The following VAV2 variants were observed in gnomAD, a reference collection of about 807,000 sequenced individuals.
VAV2 encodes vav guanine nucleotide exchange factor 2.
A neutral mutation model predicts 132.5 loss-of-function variants in VAV2; 67 were observed. That is an observed-to-expected ratio of 0.51 (90% CI 0.42 to 0.62). The LOEUF (loss-of-function observed/expected upper bound fraction) is 0.62, where lower values mean the gene tolerates loss of function less well. Among genes scored for constraint, VAV2 ranks in the 20% least tolerant of loss-of-function variants. The pLI is 0.00. For synonymous variants in VAV2, 492 were observed against 443.5 expected (o/e 1.11, Z -1.37); for missense variants, 938 against 1,153.6 (o/e 0.81, Z 2.71).
intron 12 of VAV2, among the ~76,000 whole-genome samples, chr9:133,792,310 G>A (rs543900020): frequency 8.9e-6 from 1 of 111,824 alleles, no homozygotes; most frequent in East Asian, 2.5e-4. Flanking sequence ...GGTGGGGTAT[G>A]TGTGTGTGAT....
chr9:133,900,763 C>CTTA, intron 2 of VAV2, among the ~76,000 whole-genome samples: 1 of 136,716 alleles, frequency 7.3e-6, no homozygotes, highest in South Asian at 2.4e-4. Flanking sequence ...TACCTCCTGT[C>CTTA]TTGATTTATT....
At chr9:133,785,665 G>T in intron 17 of VAV2, 111 bp downstream of exon 17, 2 of 951,064 alleles carry the variant, frequency 2.1e-6, no homozygotes, top group Non-Finnish European at 1.6e-6. Context: ...TTCCAACTTT[G>T]CCTCCCACCG....
At chr9:133,859,860 C>T (rs1032696551) in intron 3 of VAV2, among the ~76,000 whole-genome samples, 6 of 152,184 alleles carry the variant, frequency 3.9e-5, no homozygotes, top group Admixed American at 1.3e-4. Flanking sequence ...AGCCTATGCA[C>T]CTGGCGGAGG....
At chr9:133,905,125 AC>A (rs1241435142) in intron 2 of VAV2, among the ~76,000 whole-genome samples, 5 of 152,154 alleles carry the variant, frequency 3.3e-5, no homozygotes, top group African/African-American at 1.2e-4. Context: ...ACTTCACAGC[AC>A]CACAGCCAGA....
chr9:133,812,238 A>G (rs370778108), intron 4 of VAV2, 22 bp from the exon 5 acceptor site: 130 of 1,611,250 alleles, frequency 8.1e-5, no homozygotes, highest in Non-Finnish European at 1.1e-4. Context: ...GAGGCGGGTT[A>G]GAGGGGAGGG....
intron 1 of VAV2, among the ~76,000 whole-genome samples, chr9:133,966,385 G>A (rs557884591): frequency 5.3e-5 from 8 of 152,280 alleles, no homozygotes; most frequent in African/African-American, 1.2e-4. Flanking sequence ...CTATTCATCC[G>A]ACAAGGGATT....
rs1839936667 is a variant in VAV2, at chr9:133,913,009, G to A, written c.321+26094C>T. On this transcript the variant is annotated intron_variant, in intron 2 of 29. Transcript: ENST00000371850. ...GCAGGCACTGTCCTCTGAAGGCCCAGCCTGACCCTGCACACCCAGGGCTGT... is the reference window on the plus strand; with the variant it reads ...GCAGGCACTGTCCTCTGAAGGCCCAACCTGACCCTGCACACCCAGGGCTGT... 4.6e-5 allele frequency among the ~76,000 whole-genome samples: 7 copies of A among 152,310 alleles called. No homozygotes were observed. The South Asian group carries it at 1.5e-3, about 32-fold the overall frequency.
intron 1 of VAV2, among the ~76,000 whole-genome samples, chr9:133,973,443 C>T (rs554271481): frequency 1.6e-4 from 25 of 152,322 alleles, no homozygotes; most frequent in Middle Eastern, 3.4e-3. Context: ...CCTGTCACCC[C>T]GGCATCCCTA....
rs1183454741 is a variant in VAV2, at chr9:133,788,580, C to T, written c.1275-94G>A. On this transcript the variant is annotated intron_variant, in intron 14 of 29. Transcript: ENST00000371850. This position sits in a 1 kb window ranked among gnomAD's most constrained non-coding sequence, Gnocchi z 5.3. The stretch of plus-strand genomic sequence containing the variant: ...GAGCTGAGCCTGAGGCTCTGGCACG[C>T]GGCTCCCTCTCCGGGCGAGCCCTGC... The T allele has an allele frequency of 2.6e-5, 39 of 1,524,886 alleles. No individual in the cohort carries two copies. Among genetic ancestry groups the T allele is most frequent in the Middle Eastern group, 4.8e-4 (2 of 4,184 alleles). 94.5% of individuals were successfully genotyped at this position (1,524,886 alleles called of 1,614,324 possible).
chr9:133,779,824 C>A, intron 21 of VAV2, 94 bp downstream of exon 21: 1 of 1,516,010 alleles, frequency 6.6e-7, no homozygotes, highest in Non-Finnish European at 8.9e-7. Context: ...GGTGGCTGGG[C>A]AGACCTGGCC....
intron 6 of VAV2, 76 bp from the exon 7 acceptor site, chr9:133,809,214 C>T: frequency 7.8e-7 from 1 of 1,274,064 alleles, no homozygotes; most frequent in Admixed American, 1.8e-5. Context: ...CACCGCGACA[C>T]CCGGACACCT....
chr9:133,831,658 G>T (rs1836270181), intron 4 of VAV2, among the ~76,000 whole-genome samples: 1 of 152,172 alleles, frequency 6.6e-6, no homozygotes, highest in South Asian at 2.1e-4. Context: ...GGCCGATGTG[G>T]GCCCCATCGT....
At chr9:133,786,260 A>T (rs960219004) in intron 16 of VAV2, among the ~76,000 whole-genome samples, 1 of 152,240 alleles carries the variant, frequency 6.6e-6, no homozygotes, top group Non-Finnish European at 1.5e-5. Context: ...TCCTGTGAGC[A>T]TGTGCACACA....
At chr9:133,853,406 A>G (rs184484560) in intron 3 of VAV2, among the ~76,000 whole-genome samples, 49 of 152,128 alleles carry the variant, frequency 3.2e-4, no homozygotes, top group African/African-American at 1.1e-3. Context: ...TAGTGCATGG[A>G]AAAGGAATCC....
chr9:133,825,014 A>T (rs1835929704), intron 4 of VAV2, among the ~76,000 whole-genome samples: 1 of 152,190 alleles, frequency 6.6e-6, no homozygotes, highest in Non-Finnish European at 1.5e-5. Context: ...CACACCGAGG[A>T]GCAAGAGACC....
At chr9:133,924,142 T>G (rs897631648) in intron 2 of VAV2, among the ~76,000 whole-genome samples, 2 of 152,160 alleles carry the variant, frequency 1.3e-5, no homozygotes, top group Non-Finnish European at 2.9e-5. Context: ...AGTATAATTT[T>G]TAAAAAAAGA....
chr9:133,905,788 G>A (rs1293854147), intron 2 of VAV2, among the ~76,000 whole-genome samples: 1 of 152,072 alleles, frequency 6.6e-6, no homozygotes, highest in Non-Finnish European at 1.5e-5. Context: ...TGTAATCCCA[G>A]CACTTTGGGA....
At position 133,769,794 on chromosome 9, in the gene VAV2, C is replaced by A. The variant is rs1833555404; in HGVS notation, c.2348-291G>T. 6.6e-6 allele frequency among the ~76,000 whole-genome samples: 1 copy of A among 152,206 alleles called. No individual in the cohort carries two copies. The highest frequency in any genetic ancestry group is 6.5e-5 in the Admixed American group (1 of 15,288). On this transcript the variant is annotated intron_variant, in intron 27 of 29. Transcript: ENST00000371850. The surrounding 1 kb of genome is among the most constrained non-coding windows in gnomAD (Gnocchi z 8.1). ...CCTCGCCTGGCACATAGCAGGTGCTCACTAAGGCCAGCTGTTCCTCTCCTG... is the reference window on the plus strand; with the variant it reads ...CCTCGCCTGGCACATAGCAGGTGCTAACTAAGGCCAGCTGTTCCTCTCCTG...
intron 2 of VAV2, among the ~76,000 whole-genome samples, chr9:133,905,255 C>G (rs899643498): frequency 7.9e-6 from 1 of 126,090 alleles, no homozygotes; most frequent in African/African-American, 3.1e-5. Context: ...ACGGTGAAAC[C>G]CCATCTCTAC....
Sources: gnomAD v4.1 joint callset for allele counts (sites outside exome capture counted in the v4.1 genomes callset) on GRCh38, gnomAD v4.1.1 for gene constraint, Gnocchi (gnomAD v3.1) non-coding constraint, MANE v1.5 for transcripts, NCBI Gene and HGNC (gene_info 2026-07-23, HGNC 2026-07-21) for gene names.